Variants in TRIM71 observed in about 807,000 individuals in gnomAD.
TRIM71 encodes E3 ubiquitin-protein ligase TRIM71.
A neutral mutation model predicts 61.2 loss-of-function variants in TRIM71; 9 were observed. The ratio of observed to expected loss-of-function variants is 0.15; its 90% CI spans 0.09 to 0.26. The LOEUF (loss-of-function observed/expected upper bound fraction) is 0.26. TRIM71 is among the 10% of genes least tolerant of loss of function. The pLI is 1.00. For synonymous variants in TRIM71, 645 were observed against 553.2 expected (o/e 1.17, Z -2.33); for missense variants, 998 against 1,238.7 (o/e 0.81, Z 2.92).
Position 32,863,015 on chromosome 3 carries a change from T to C in TRIM71, c.853-10803T>C, listed in dbSNP as rs541229887. 7.2e-5 allele frequency among the ~76,000 whole-genome samples: 11 copies of C among 152,242 alleles called. No homozygotes were observed. In the East Asian group the frequency reaches 1.5e-3, roughly 21 times the overall value. The stretch of plus-strand genomic sequence containing the variant: ...AAAAATGGTAGCAACCTATTAGAAG[T>C]AAATTATGTGGGGCCATTGGAGTTA... On this transcript the variant is annotated intron_variant, in intron 1 of 3. Transcript: ENST00000383763.
chr3:32,826,975 A>C (rs980717049), intron 1 of TRIM71, among the ~76,000 whole-genome samples: 1 of 151,444 alleles, frequency 6.6e-6, no homozygotes, highest in African/African-American at 2.4e-5. Flanking sequence ...TGTGTTAGCC[A>C]GGATGGTCTT....
intron 1 of TRIM71, among the ~76,000 whole-genome samples, chr3:32,842,858 C>G (rs1320602544): frequency 1.3e-5 from 2 of 152,182 alleles, no homozygotes; most frequent in Admixed American, 1.3e-4. Context: ...TCCCCACTTC[C>G]TTCCCTGGGA....
rs981074979 is a variant in TRIM71 at position 32,818,290 on chromosome 3, C to G, written c.210C>G (p.Leu70=). ...PCLHAFCRPC[L]EAHRLPAAGG... is the part of the protein sequence containing the mutation. Reference sequence around the variant, plus strand: ...TGCACGCCTTCTGCCGCCCCTGCCTCGAGGCGCACCGGCTGCCGGCGGCGG... The same window carrying G: ...TGCACGCCTTCTGCCGCCCCTGCCTGGAGGCGCACCGGCTGCCGGCGGCGG... Residue 70 remains leucine, a synonymous_variant, in exon 1 of 4, where the codon CTC becomes CTG. Transcript: ENST00000383763. 1.0e-5 allele frequency: 15 copies of G among 1,430,660 alleles called. No individual in the cohort carries two copies. The highest frequency in any genetic ancestry group is 3.0e-5 in the Admixed American group (1 of 33,416). The allele number at this position is 1,430,660 out of a possible 1,614,324, so 88.6% of individuals were successfully genotyped here.
chr3:32,853,390 T>TA (rs1696561423), intron 1 of TRIM71, among the ~76,000 whole-genome samples: 1 of 152,154 alleles, frequency 6.6e-6, no homozygotes, highest in Admixed American at 6.5e-5. Flanking sequence ...GTGCTGGGAT[T>TA]ACAGGCATGA....
intron 1 of TRIM71, among the ~76,000 whole-genome samples, chr3:32,864,918 A>G (rs1242245134): frequency 2.0e-5 from 3 of 148,376 alleles, no homozygotes; most frequent in Non-Finnish European, 4.4e-5. Context: ...AGAAGTGCTA[A>G]TTTTAGCTCA....
At position 32,895,497 on chromosome 3, in the gene TRIM71, T is replaced by C. The variant is rs146315461; in HGVS notation, c.*3686T>C. ...AATACTGTTTATATATGTGTTACCT[T>C]CCTCGTTGGAAGATTCTACGATTGC... On this transcript the variant is annotated 3_prime_UTR_variant, in exon 4 of 4. Transcript: ENST00000383763. The C allele has an allele frequency of 3.5e-4, 53 of 152,340 alleles. No homozygotes were observed. Among genetic ancestry groups the C allele is most frequent in the African/African-American group, 1.2e-3 (51 of 41,586 alleles). 9.4% of individuals were successfully genotyped at this position (152,340 alleles called of 1,614,324 possible).
At position 32,818,792 on chromosome 3, in the gene TRIM71, A is replaced by G. The variant is rs1559534856; in HGVS notation, c.712A>G (p.Ile238Val). 1.2e-6 allele frequency: 2 copies of G among 1,608,178 alleles called. No individual in the cohort carries two copies. The highest frequency in any genetic ancestry group is 1.1e-5 in the South Asian group (1 of 90,800). Residue 238 changes from isoleucine (I) to valine (V), a missense_variant, in exon 1 of 4, where the codon ATC becomes GTC. Physicochemically the swap from Ile to Val is conservative, Grantham distance 29. Around this residue, in one of 5 missense-constraint regions of TRIM71, gnomAD observed 527 missense variants for 427.8 expected, o/e 1.23. Coordinates refer to ENST00000383763, the MANE Select transcript of TRIM71 (RefSeq NM_001039111.3). ...CGTGCGCCTCACCAAGGACCACTACATCGAGCGCGGCCCGCCGGGTCCCGG... is the reference window on the plus strand; with the variant it reads ...CGTGCGCCTCACCAAGGACCACTACGTCGAGCGCGGCCCGCCGGGTCCCGG... ...QRVRLTKDHY[I>V]ERGPPGPGAA...
At chr3:32,838,815 T>C (rs1423153005) in intron 1 of TRIM71, among the ~76,000 whole-genome samples, 2 of 152,128 alleles carry the variant, frequency 1.3e-5, no homozygotes, top group East Asian at 3.9e-4. Flanking sequence ...TTTTTTTCTT[T>C]GTTGAGACGA....
At chr3:32,843,590 C>T (rs1456280377) in intron 1 of TRIM71, among the ~76,000 whole-genome samples, 1 of 152,136 alleles carries the variant, frequency 6.6e-6, no homozygotes, top group Admixed American at 6.5e-5. Flanking sequence ...CCTTTCCCTG[C>T]CAGCTAATCC....
intron 1 of TRIM71, among the ~76,000 whole-genome samples, chr3:32,845,934 T>A (rs9846740): frequency 0.23 from 35,383 of 151,898 alleles, 4,545 homozygotes; most frequent in African/African-American, 0.34. Flanking sequence ...TTGGCCAGGC[T>A]GGTCTCGATC....
chr3:32,828,534 G>A (rs1175370484), intron 1 of TRIM71, among the ~76,000 whole-genome samples: 1 of 129,906 alleles, frequency 7.7e-6, no homozygotes, highest in African/African-American at 2.8e-5. Flanking sequence ...TTGAGATGGA[G>A]TCTTGCTCTG....
intron 1 of TRIM71, among the ~76,000 whole-genome samples, chr3:32,830,759 A>T (rs1696261395): frequency 6.6e-6 from 1 of 152,108 alleles, no homozygotes; most frequent in Admixed American, 6.6e-5. Flanking sequence ...GAAACAAAGG[A>T]CACTTCTTAG....
chr3:32,829,727 T>C (rs1025213887), intron 1 of TRIM71, among the ~76,000 whole-genome samples: 1 of 151,948 alleles, frequency 6.6e-6, no homozygotes, highest in Non-Finnish European at 1.5e-5. Flanking sequence ...TAAGTCTTCA[T>C]AGAAGAAGCT....
rs539290847 is a variant in TRIM71 at position 32,849,268 on chromosome 3, A to G, written c.853-24550A>G. On this transcript the variant is annotated intron_variant, in intron 1 of 3. Coordinates refer to ENST00000383763, the MANE Select transcript of TRIM71 (RefSeq NM_001039111.3). Reference sequence around the variant, plus strand: ...GAGCGAGTTCATTTACCTGCCTTAGATTAGAAACGCTGGCACTGCAGTTTC... The same window carrying G: ...GAGCGAGTTCATTTACCTGCCTTAGGTTAGAAACGCTGGCACTGCAGTTTC... Among the ~76,000 whole-genome samples, 6 of 152,328 alleles carry G rather than the reference A, an allele frequency of 3.9e-5. No homozygotes were observed. The South Asian group carries it at 1.2e-3, about 32-fold the overall frequency.
intron 1 of TRIM71, among the ~76,000 whole-genome samples, chr3:32,825,815 A>C (rs541168667): frequency 6.6e-5 from 10 of 152,136 alleles, no homozygotes; most frequent in Non-Finnish European, 1.2e-4. Flanking sequence ...TTGCAAGAGT[A>C]AGCTTGATCC....
At chr3:32,850,401 T>G (rs867434243) in intron 1 of TRIM71, among the ~76,000 whole-genome samples, 3 of 152,224 alleles carry the variant, frequency 2.0e-5, no homozygotes, top group South Asian at 4.1e-4. Context: ...TTATGTACTT[T>G]CAGAGTGTTG....
At chr3:32,880,205 T>C (rs1017156622) in intron 2 of TRIM71, among the ~76,000 whole-genome samples, 7 of 152,054 alleles carry the variant, frequency 4.6e-5, no homozygotes, top group Admixed American at 4.6e-4. Flanking sequence ...TTTGTGTTTT[T>C]AGTAGAGATG....
At chr3:32,831,689 A>G (rs552883297) in intron 1 of TRIM71, among the ~76,000 whole-genome samples, 8 of 151,868 alleles carry the variant, frequency 5.3e-5, no homozygotes, top group Non-Finnish European at 1.2e-4. Context: ...GGCGCGTGCC[A>G]CCATGCCTGG....
intron 1 of TRIM71, among the ~76,000 whole-genome samples, chr3:32,850,806 G>A (rs915124001): frequency 6.6e-6 from 1 of 152,112 alleles, no homozygotes; most frequent in Admixed American, 6.5e-5. Context: ...TGTTTCTCTT[G>A]TGGGATTAAT....
Sources: allele counts gnomAD v4.1 joint callset (sites outside exome capture counted in the v4.1 genomes callset), GRCh38; gene constraint gnomAD v4.1.1; regional missense constraint gnomAD v4.1.1; transcripts MANE v1.5; gene names NCBI Gene and HGNC (gene_info 2026-07-23, HGNC 2026-07-21).